NFATC4: variants seen among roughly 807,000 people sequenced by gnomAD.
NFATC4 encodes nuclear factor of activated T cells 4, also known as nuclear factor of activated T-cells, cytoplasmic 4.
NFATC4 carries 25 observed loss-of-function variants against 73.4 expected under a neutral mutation model. That is an observed-to-expected ratio of 0.34 (90% CI 0.25 to 0.48). The LOEUF is 0.48. NFATC4 is among the 20% of genes least tolerant of loss of function. NFATC4 has a pLI of 0.99. For missense variants in NFATC4, 1,130 were observed against 1,203.7 expected (o/e 0.94, Z 0.91); for synonymous variants, 523 against 510.3 (o/e 1.02, Z -0.34).
chr14:24,367,779 C>A, upstream of NFATC4: 1 of 1,343,580 alleles, frequency 7.4e-7, no homozygotes, highest in Non-Finnish European at 9.8e-7. Context: ...TTGCTAGGTG[C>A]TATCTACACA....
At chr14:24,371,757 A>C (rs1171405160) in intron 2 of NFATC4, 1 of 150,652 alleles carries the variant, frequency 6.6e-6, no homozygotes, top group African/African-American at 2.5e-5. Flanking sequence ...CAGTGGTGTG[A>C]TCTCACTCAG....
chr14:24,368,422 G>C lies in NFATC4; in HGVS notation c.82G>C (p.Ala28Pro). 2 of 1,346,122 alleles carry C rather than the reference G, an allele frequency of 1.5e-6. No individual in the cohort carries two copies. Among genetic ancestry groups the C allele is most frequent in the Non-Finnish European group, 1.9e-6 (2 of 1,047,194 alleles). 83.4% of individuals were successfully genotyped at this position (1,346,122 alleles called of 1,614,324 possible). A position where few individuals can be genotyped will look rare whatever the true frequency, so the allele number is the denominator to read the frequency against. Residue 28 changes from alanine to proline, a missense_variant, in exon 1 of 10, where the codon GCG becomes CCG. This residue lies in a region of NFATC4 where 585 missense variants were observed against 574.3 expected (regional missense o/e 1.02). Coordinates refer to ENST00000250373, the MANE Select transcript of NFATC4 (RefSeq NM_004554.5). ...GEEKEAPPLG[A>P]GGLGEELDSE... ...GGAAAAGGAGGCCCCCCCGCTGGGC[G>C]CGGGGGGATTGGGGGAAGGTTAGTG...
Position 24,376,737 on chromosome 14 carries a change from C to A in NFATC4, c.2500C>A (p.Pro834Thr). The stretch of plus-strand genomic sequence containing the variant: ...CTTCCCTTCCCAGAGTGATGTGCAT[C>A]CCCTACCTGCTGAGGGATACAATAA... The part of the protein sequence containing the change: ...GPFPSQSDVH[P>T]LPAEGYNKVG... Residue 834 changes from proline to threonine, a missense_variant, in exon 9 of 10, where the codon CCC becomes ACC. Pro to Thr is a conservative substitution (Grantham distance 38). Around this residue, in one of 3 missense-constraint regions of NFATC4, gnomAD observed 390 missense variants for 408.1 expected, o/e 0.96. Coordinates refer to ENST00000250373, the MANE Select transcript of NFATC4 (RefSeq NM_004554.5). The surrounding 1 kb of genome is among the most constrained non-coding windows in gnomAD (Gnocchi z 5.0). 6.2e-7 allele frequency: 1 copy of A among 1,614,006 alleles called. No homozygotes were observed. The highest frequency in any genetic ancestry group is 8.5e-7 in the Non-Finnish European group (1 of 1,179,986).
chr14:24,375,846 C>T (rs1306590095), intron 7 of NFATC4, 129 bp from the exon 8 acceptor site: 1 of 1,532,678 alleles, frequency 6.5e-7, no homozygotes, highest in South Asian at 1.1e-5. Flanking sequence ...TAAGCAGGTG[C>T]ATCTCTAGGG....
rs373742976 is a variant in NFATC4 at position 24,370,148 on chromosome 14, C to T, written c.750C>T (p.Leu250=). 2 of 1,603,798 alleles carry T rather than the reference C, an allele frequency of 1.2e-6. No individual in the cohort carries two copies. Among genetic ancestry groups the T allele is most frequent in the South Asian group, 1.1e-5 (1 of 91,024 alleles). The change falls in exon 2 of 10, where the codon CTC becomes CTT. Residue 250 remains leucine, a synonymous_variant. Coordinates refer to ENST00000250373, the MANE Select transcript of NFATC4 (RefSeq NM_004554.5). ...GGCCAGAGGATAGCTGGCTACTCCT[C>T]AGTGCTCCTGGGCCCACCCCAGCCT... ...GRGPEDSWLL[L]SAPGPTPASP...
chr14:24,368,131 T>TG (rs3215609), upstream of NFATC4: 212 of 1,133,594 alleles, frequency 1.9e-4, no homozygotes, highest in South Asian at 9.4e-4. Context: ...AGGGACAGGC[T>TG]GGGGGGGGGA....
upstream of NFATC4, chr14:24,366,998 TAG>T: frequency 6.2e-7 from 1 of 1,606,792 alleles, no homozygotes; most frequent in African/African-American, 1.3e-5. Flanking sequence ...CGGAGGGATT[TAG>T]AGACTGGAGA....
chr14:24,376,590 C>T lies in NFATC4; in HGVS notation c.2353C>T (p.Arg785Cys), dbSNP rs767805417. 7 of 1,613,970 alleles carry T rather than the reference C, an allele frequency of 4.3e-6. No homozygotes were observed. The highest frequency in any genetic ancestry group is 3.3e-5 in the South Asian group (3 of 91,082). Residue 785 changes from arginine to cysteine, a missense_variant, in exon 9 of 10, where the codon CGC becomes TGC. By Grantham distance (180) the Arg-to-Cys change is radical. Transcript: ENST00000250373. This position sits in a 1 kb window ranked among gnomAD's most constrained non-coding sequence, Gnocchi z 5.0. ...ACCACCTGCAGTTTCCTTCCTTCCC[C>T]GCCCCTTCCCTAGTGACCCGTATGG... is the stretch of plus-strand genomic sequence containing the variant. Reference protein sequence around the residue: ...AQPPAVSFLPRPFPSDPYGGR... With the variant: ...AQPPAVSFLPCPFPSDPYGGR...
Position 24,370,160 on chromosome 14 carries a change from G to A in NFATC4, c.762G>A (p.Gly254=), listed in dbSNP as rs1594704184. The change falls in exon 2 of 10, where the codon GGG becomes GGA. Residue 254 remains glycine (G), a synonymous_variant. Coordinates refer to ENST00000250373, the MANE Select transcript of NFATC4 (RefSeq NM_004554.5). ...EDSWLLLSAP[G]PTPASPRPAS... ...GCTGGCTACTCCTCAGTGCTCCTGG[G>A]CCCACCCCAGCCTCCCCGCGGCCTG... 1.2e-6 allele frequency: 2 copies of A among 1,603,820 alleles called. No homozygotes were observed. The highest frequency in any genetic ancestry group is 1.7e-6 in the Non-Finnish European group (2 of 1,179,670).
chr14:24,375,757 G>GGGGC, intron 7 of NFATC4, 42 bp downstream of exon 7: 17 of 566,408 alleles, frequency 3.0e-5, no homozygotes, highest in Non-Finnish European at 5.3e-5. Flanking sequence ...GCGGGGGTGG[G>GGGGC]AGAAGGCAGG....
rs1482953196 is a variant in NFATC4 at position 24,377,804 on chromosome 14, A to C, written c.*99A>C. On this transcript the variant is annotated 3_prime_UTR_variant, in exon 10 of 10. Coordinates refer to ENST00000250373, the MANE Select transcript of NFATC4 (RefSeq NM_004554.5). The surrounding 1 kb of genome is among the most constrained non-coding windows in gnomAD (Gnocchi z 4.2). ...TGGTGGCTACAGAAGCTTGGGGCCA[A>C]CCCTGGCTCCTCTTTCCCCAGCTTC... is the stretch of plus-strand genomic sequence containing the variant. 6.3e-7 allele frequency: 1 copy of C among 1,590,640 alleles called. No individual in the cohort carries two copies. Among genetic ancestry groups the C allele is most frequent in the African/African-American group, 1.3e-5 (1 of 74,272 alleles).
chr14:24,372,249 C>T, intron 2 of NFATC4, 192 bp from the exon 3 acceptor site: 2 of 620,368 alleles, frequency 3.2e-6, no homozygotes, highest in Non-Finnish European at 5.4e-6. Context: ...TGGATTTCTT[C>T]ATTTCTTTGT....
Position 24,377,322 on chromosome 14 carries a change from C to T in NFATC4, c.2642-316C>T. On this transcript the variant is annotated intron_variant, in intron 9 of 9. Transcript: ENST00000250373. This position sits in a 1 kb window ranked among gnomAD's most constrained non-coding sequence, Gnocchi z 4.2. ...GGTGAGGAGGAGCTTTCCTGTTTTG[C>T]CTCTCCTTCTTCCCATTGGCTACAC... 1 of 1,269,028 alleles carries T rather than the reference C, an allele frequency of 7.9e-7. No homozygotes were observed. Among genetic ancestry groups the T allele is most frequent in the Non-Finnish European group, 9.9e-7 (1 of 1,007,042 alleles). 78.6% of individuals were successfully genotyped at this position (1,269,028 alleles called of 1,614,324 possible). A position where few individuals can be genotyped will look rare whatever the true frequency, so the allele number is the denominator to read the frequency against.
chr14:24,373,472 AT>A lies in NFATC4; in HGVS notation c.1559+107del. ...CTTCCTTTTCCCAGAAGAGGTAGAC[AT>A]TTTTCCTAGGAGCTGGCTTCAGGCC... On this transcript the variant is annotated intron_variant, in intron 4 of 9. Coordinates refer to ENST00000250373, the MANE Select transcript of NFATC4 (RefSeq NM_004554.5). The surrounding 1 kb of genome is among the most constrained non-coding windows in gnomAD (Gnocchi z 4.7). 1 of 1,456,356 alleles carries A rather than the reference AT, an allele frequency of 6.9e-7. No individual in the cohort carries two copies. 90.2% of individuals were successfully genotyped at this position (1,456,356 alleles called of 1,614,324 possible).
At position 24,370,382 on chromosome 14, in the gene NFATC4, G is replaced by A. The variant is rs2042441871; in HGVS notation, c.984G>A (p.Gln328=). The change falls in exon 2 of 10, where the codon CAG becomes CAA. Residue 328 remains glutamine (Q), a synonymous_variant. Coordinates refer to ENST00000250373, the MANE Select transcript of NFATC4 (RefSeq NM_004554.5). Reference sequence around the variant, plus strand: ...CCCCACCAGCTGAGAGCATCCCTCAGAAGACACGGCGGACTTCCAGCGAGC... The same window carrying A: ...CCCCACCAGCTGAGAGCATCCCTCAAAAGACACGGCGGACTTCCAGCGAGC... ...VGAPPAESIP[Q]KTRRTSSEQA... 1 of 1,613,872 alleles carries A rather than the reference G, an allele frequency of 6.2e-7. No homozygotes were observed. The highest frequency in any genetic ancestry group is 1.7e-5 in the Admixed American group (1 of 60,016).
At chr14:24,372,814 T>C (rs2042508678) in intron 3 of NFATC4, 1 of 639,834 alleles carries the variant, frequency 1.6e-6, no homozygotes, top group Admixed American at 2.9e-5. Context: ...GCTCATCCCA[T>C]GGGACACCAG....
rs752506149 is a variant in NFATC4 at position 24,373,505 on chromosome 14, C to T, written c.1559+135C>T. On this transcript the variant is annotated intron_variant, in intron 4 of 9. Coordinates refer to ENST00000250373, the MANE Select transcript of NFATC4 (RefSeq NM_004554.5). The surrounding 1 kb of genome is among the most constrained non-coding windows in gnomAD (Gnocchi z 4.7). ...TAGGAGCTGGCTTCAGGCCTACCCA[C>T]CATCTGGAAGAGGACTTTTGGGGTT... The T allele has an allele frequency of 1.8e-5, 25 of 1,366,260 alleles. No homozygotes were observed. The highest frequency in any genetic ancestry group is 2.4e-5 in the Non-Finnish European group (24 of 997,444). 84.6% of individuals were successfully genotyped at this position (1,366,260 alleles called of 1,614,324 possible).
rs949780426 is a variant in NFATC4 at position 24,370,427 on chromosome 14, G to A, written c.1029G>A (p.Arg343=). The change falls in exon 2 of 10, where the codon CGG becomes CGA. Residue 343 remains arginine (R), a synonymous_variant. Coordinates refer to ENST00000250373, the MANE Select transcript of NFATC4 (RefSeq NM_004554.5). The part of the protein sequence containing the change: ...TSSEQAVALP[R]SEEPASCNGK... ...GCGAGCAGGCAGTGGCTCTGCCTCG[G>A]TCTGAGGAGCCTGCCTCATGCAATG... is the stretch of plus-strand genomic sequence containing the variant. 1.9e-6 allele frequency: 3 copies of A among 1,613,972 alleles called. No individual in the cohort carries two copies. The highest frequency in any genetic ancestry group is 2.5e-6 in the Non-Finnish European group (3 of 1,180,038).
Position 24,369,781 on chromosome 14 carries a change from C to A in NFATC4, c.383C>A (p.Pro128Gln), listed in dbSNP as rs1350154364. ...TCCATCTCTCCCACGCCGGAGCCGC[C>A]AGCAGCGCTGGAGGACAACCCTGAT... The part of the protein sequence containing the change: ...ITSISPTPEP[P>Q]AALEDNPDAW... The change falls in exon 2 of 10, where the codon CCA (proline) becomes CAA (glutamine). Residue 128 changes from proline (P) to glutamine (Q), a missense_variant. Coordinates refer to ENST00000250373, the MANE Select transcript of NFATC4 (RefSeq NM_004554.5). 5 of 1,596,560 alleles carry A rather than the reference C, an allele frequency of 3.1e-6. No individual in the cohort carries two copies. Among genetic ancestry groups the A allele is most frequent in the African/African-American group, 1.3e-5 (1 of 74,516 alleles).
Sources: allele counts gnomAD v4.1 joint callset, GRCh38; gene constraint gnomAD v4.1.1; regional missense constraint gnomAD v4.1.1; non-coding constraint Gnocchi (gnomAD v3.1); transcripts MANE v1.5; gene names NCBI Gene and HGNC (gene_info 2026-07-23, HGNC 2026-07-21).